The following NFILZ variants were observed in gnomAD, a reference collection of about 807,000 sequenced individuals.
NFILZ encodes NFIL3 like protein.
At chr19:8,648,721 G>A (rs1415772161) in intron 3 of NFILZ, among the ~76,000 whole-genome samples, 6 of 151,740 alleles carry the variant, frequency 4.0e-5, no homozygotes, top group Non-Finnish European at 1.5e-5. Flanking sequence ...GCGTGGTGGT[G>A]CATGCCTGTA....
chr19:8,632,906 A>G (rs1555745707), intron 2 of NFILZ, among the ~76,000 whole-genome samples: 1 of 150,476 alleles, frequency 6.6e-6, no homozygotes, highest in Admixed American at 6.6e-5. Context: ...TATTTTTAGT[A>G]GAGACAGGGT....
At chr19:8,651,116 G>T (rs115498714) in intron 3 of NFILZ, among the ~76,000 whole-genome samples, 1 of 152,070 alleles carries the variant, frequency 6.6e-6, no homozygotes, top group African/African-American at 2.4e-5. Context: ...ATTTATTTGT[G>T]TTAGGAACGT....
rs1269371236 is a variant in NFILZ at position 8,680,218 on chromosome 19, AAAAG to A, written c.*2587_*2590del. 2.4e-3 allele frequency among the ~76,000 whole-genome samples: 364 copies of A among 151,290 alleles called. 2 individuals carry two copies. Among genetic ancestry groups the A allele is most frequent in the African/African-American group, 8.2e-3 (338 of 41,100 alleles). ...CTGAAAAAAAAAAAAAAAAAAAGGA[AAAAG>A]AAAAAATCCTGTTTCCCTTTTTGCT... On this transcript the variant is annotated 3_prime_UTR_variant, in exon 6 of 6. Transcript: ENST00000691075.
chr19:8,656,644 G>A (rs923482622), intron 3 of NFILZ, among the ~76,000 whole-genome samples: 2 of 152,106 alleles, frequency 1.3e-5, no homozygotes, highest in Admixed American at 6.6e-5. Context: ...ACACAGCACA[G>A]CTGCCGCCGC....
intron 3 of NFILZ, among the ~76,000 whole-genome samples, chr19:8,666,349 AT>A (rs551654366): frequency 1.8e-3 from 268 of 146,212 alleles, no homozygotes; most frequent in South Asian, 9.9e-3. Context: ...TTTTTTTTTG[AT>A]TTTTTTGTAG....
At chr19:8,660,042 TGG>T (rs1289435018) in intron 3 of NFILZ, among the ~76,000 whole-genome samples, 4 of 152,134 alleles carry the variant, frequency 2.6e-5, no homozygotes, top group Admixed American at 1.3e-4. Context: ...CACTGCCCTG[TGG>T]GAGGTCCCAG....
chr19:8,655,582 T>A (rs1291396584), intron 3 of NFILZ, among the ~76,000 whole-genome samples: 1 of 152,116 alleles, frequency 6.6e-6, no homozygotes, highest in Non-Finnish European at 1.5e-5. Flanking sequence ...TCCACAAGGC[T>A]GATGAGGCTC....
At position 8,656,410 on chromosome 19, in the gene NFILZ, TGAAACCCACCTCTTTCC is replaced by T. The variant is rs2042999608; in HGVS notation, c.-163-18139_-163-18123del. ...CTTCTCCCGCAGCCCACCTTCTCTC[TGAAACCCACCTCTTTCC>T]GCAGCCCACCTTCTCCTCGAAGCCC... On this transcript the variant is annotated intron_variant, in intron 3 of 5. Coordinates refer to ENST00000691075, the MANE Select transcript of NFILZ (RefSeq NM_001378600.1). Among the ~76,000 whole-genome samples, 33 of 83,262 alleles carry T rather than the reference TGAAACCCACCTCTTTCC, an allele frequency of 4.0e-4. 3 individuals carry two copies. Among genetic ancestry groups the T allele is most frequent in the African/African-American group, 1.3e-3 (28 of 22,374 alleles). 54.6% of individuals were successfully genotyped at this position (83,262 alleles called of 152,430 possible). A position where few individuals can be genotyped will look rare whatever the true frequency, so the allele number is the denominator to read the frequency against.
rs2042875397 is a variant in NFILZ, at chr19:8,632,589, C to T, written c.-297C>T. On this transcript the variant is annotated 5_prime_UTR_variant, in exon 2 of 6. Coordinates refer to ENST00000691075, the MANE Select transcript of NFILZ (RefSeq NM_001378600.1). ...TGACGGTTTACAGATGCCATGGCAA[C>T]ATCAGGAAGTTACCCTCTATGCTCT... is the stretch of plus-strand genomic sequence containing the variant. 1 of 152,152 alleles carries T rather than the reference C, an allele frequency of 6.6e-6. No homozygotes were observed. The highest frequency in any genetic ancestry group is 2.4e-5 in the African/African-American group (1 of 41,420). 9.4% of individuals were successfully genotyped at this position (152,152 alleles called of 1,614,324 possible).
intron 3 of NFILZ, among the ~76,000 whole-genome samples, chr19:8,653,089 T>C (rs1357956732): frequency 1.4e-5 from 2 of 146,076 alleles, no homozygotes; most frequent in East Asian, 4.0e-4. Flanking sequence ...TCTCTTTCTT[T>C]CTTTTCTCTT....
intron 3 of NFILZ, among the ~76,000 whole-genome samples, chr19:8,673,329 A>G (rs1349781889): frequency 6.6e-6 from 1 of 152,174 alleles, no homozygotes. Context: ...GAACTTGGAC[A>G]CCTGAGCAAG....
At chr19:8,658,793 A>C (rs2043016570) in intron 3 of NFILZ, among the ~76,000 whole-genome samples, 1 of 152,166 alleles carries the variant, frequency 6.6e-6, no homozygotes, top group Non-Finnish European at 1.5e-5. Flanking sequence ...AAAGAAAGAG[A>C]GACGTTAGTT....
intron 3 of NFILZ, among the ~76,000 whole-genome samples, chr19:8,649,641 A>G (rs1420916297): frequency 6.6e-6 from 1 of 151,956 alleles, no homozygotes; most frequent in African/African-American, 2.4e-5. Context: ...GTCCTGTTTT[A>G]CTGAACTTTG....
At chr19:8,634,899 A>G (rs1313931468) in intron 2 of NFILZ, among the ~76,000 whole-genome samples, 1 of 139,740 alleles carries the variant, frequency 7.2e-6, no homozygotes, top group Non-Finnish European at 1.6e-5. Flanking sequence ...ACAAACAAAC[A>G]AACAAAAAAA....
intron 3 of NFILZ, among the ~76,000 whole-genome samples, chr19:8,658,777 G>A (rs1163087950): frequency 2.6e-5 from 4 of 152,128 alleles, no homozygotes; most frequent in African/African-American, 7.2e-5. Context: ...AGGCAGTGGC[G>A]TCATGAAAGA....
At chr19:8,666,498 T>C (rs1600153326) in intron 3 of NFILZ, among the ~76,000 whole-genome samples, 1 of 152,012 alleles carries the variant, frequency 6.6e-6, no homozygotes, top group Non-Finnish European at 1.5e-5. Flanking sequence ...TTATATCTTA[T>C]AGACACATCT....
At chr19:8,668,879 C>A (rs782780667) in intron 3 of NFILZ, among the ~76,000 whole-genome samples, 1 of 152,052 alleles carries the variant, frequency 6.6e-6, no homozygotes, top group Non-Finnish European at 1.5e-5. Context: ...GGGTGATGTC[C>A]GAAGGTTCTC....
At chr19:8,664,933 TAGTG>T (rs1299905977) in intron 3 of NFILZ, among the ~76,000 whole-genome samples, 2 of 152,058 alleles carry the variant, frequency 1.3e-5, no homozygotes, top group South Asian at 2.1e-4. Context: ...CTTGCTTGGT[TAGTG>T]AGCTGGAATT....
intron 3 of NFILZ, among the ~76,000 whole-genome samples, chr19:8,664,194 G>A (rs1370778678): frequency 6.6e-6 from 1 of 152,200 alleles, no homozygotes; most frequent in Non-Finnish European, 1.5e-5. Context: ...TTATGTTGGT[G>A]AACAATGTAT....
Sources: allele counts gnomAD v4.1 joint callset (sites outside exome capture counted in the v4.1 genomes callset), GRCh38; gene constraint gnomAD v4.1.1; transcripts MANE v1.5; gene names NCBI Gene and HGNC (gene_info 2026-07-23, HGNC 2026-07-21).